Variants in ABHD13 observed in about 807,000 individuals in gnomAD.
ABHD13 encodes the protein protein ABHD13.
Under a neutral mutation model 25.2 loss-of-function variants are expected in ABHD13, and 7 were observed. That is an observed-to-expected ratio of 0.28 (90% CI 0.16 to 0.52). The LOEUF (loss-of-function observed/expected upper bound fraction) is 0.52. ABHD13 is among the 20% of genes least tolerant of loss of function. The probability of loss-of-function intolerance (pLI) is 0.96; values close to 1 mark genes in which losing one functional copy is unlikely to be tolerated. For missense variants in ABHD13, 302 were observed against 402.7 expected (o/e 0.75, Z 2.14); for synonymous variants, 133 against 136.1 (o/e 0.98, Z 0.16).
chr13:108,223,925 G>A (rs182403288), intron 1 of ABHD13, among the ~76,000 whole-genome samples: 44 of 152,204 alleles, frequency 2.9e-4, no homozygotes, highest in Non-Finnish European at 5.7e-4. Flanking sequence ...GTGAATAATC[G>A]TGCTAAATGA....
rs969689444 is a variant in ABHD13 at position 108,230,642 on chromosome 13, T to C, written c.*410T>C. ...ATCATGGTAAGCAAACTTAGTTCTG[T>C]AACTGCATTTTTCACCTTAAAAGTT... On this transcript the variant is annotated 3_prime_UTR_variant, in exon 2 of 2. Coordinates refer to ENST00000375898, the MANE Select transcript of ABHD13 (RefSeq NM_032859.3). 1 of 171,518 alleles carries C rather than the reference T, an allele frequency of 5.8e-6. No homozygotes were observed. The highest frequency in any genetic ancestry group is 6.3e-5 in the Admixed American group (1 of 15,932). 10.6% of individuals were successfully genotyped at this position (171,518 alleles called of 1,614,324 possible).
At chr13:108,225,785 G>T (rs555277882) in intron 1 of ABHD13, among the ~76,000 whole-genome samples, 2 of 152,250 alleles carry the variant, frequency 1.3e-5, no homozygotes, top group Non-Finnish European at 2.9e-5. Context: ...CAATAATGAT[G>T]TAAAAGAAGA....
rs896878755 is a variant in ABHD13, at chr13:108,232,030, A to G, written c.*1798A>G. On this transcript the variant is annotated 3_prime_UTR_variant, in exon 2 of 2. Transcript: ENST00000375898. ...ACTATTCTAAATATTAATGTATTAA[A>G]AAGAAAATACAACAAAATGTATATT... is the stretch of plus-strand genomic sequence containing the variant. The G allele has an allele frequency of 6.0e-6, 1 of 166,774 alleles. No individual in the cohort carries two copies. Among genetic ancestry groups the G allele is most frequent in the Admixed American group, 6.6e-5 (1 of 15,236 alleles). 10.3% of individuals were successfully genotyped at this position (166,774 alleles called of 1,614,324 possible).
chr13:108,219,323 A>G (rs1879489820), intron 1 of ABHD13, among the ~76,000 whole-genome samples: 1 of 152,184 alleles, frequency 6.6e-6, no homozygotes, highest in Admixed American at 6.5e-5. Flanking sequence ...TACCCAAGGT[A>G]TCGAAACCAA....
chr13:108,219,082 C>T (rs1386768953), intron 1 of ABHD13, among the ~76,000 whole-genome samples: 1 of 152,074 alleles, frequency 6.6e-6, no homozygotes, highest in Non-Finnish European at 1.5e-5. Flanking sequence ...CCTCCGCTCC[C>T]CCACCCTCCC....
intron 1 of ABHD13, among the ~76,000 whole-genome samples, chr13:108,228,756 T>G (rs1204142400): frequency 6.6e-6 from 1 of 151,868 alleles, no homozygotes; most frequent in Admixed American, 6.6e-5. Flanking sequence ...ATACGTAACC[T>G]AACAGCAGAT....
At chr13:108,224,446 T>C (rs1879632889) in intron 1 of ABHD13, among the ~76,000 whole-genome samples, 1 of 152,244 alleles carries the variant, frequency 6.6e-6, no homozygotes, top group Non-Finnish European at 1.5e-5. Flanking sequence ...TGAGGACTCA[T>C]ACCATTCGTA....
chr13:108,218,722 G>C (rs1879452569), intron 1 of ABHD13, 63 bp downstream of exon 1: 2 of 151,702 alleles, frequency 1.3e-5, no homozygotes, highest in South Asian at 4.1e-4. Context: ...CCTTCTAGGA[G>C]GGTCGCGGGG....
In ABHD13 at chr13:108,229,726, G is replaced by A; in HGVS notation, c.508G>A (p.Glu170Lys). Residue 170 changes from glutamate to lysine, a missense_variant, in exon 2 of 2, where the codon GAA (glutamate) becomes AAA (lysine). Transcript: ENST00000375898. The surrounding 1 kb of genome is among the most constrained non-coding windows in gnomAD (Gnocchi z 4.7). ...TGAAGAAGGACTCTACTTAGATTCT[G>A]AAGCTGTGTTAGACTACGTGATGAC... ...ASEEGLYLDS[E>K]AVLDYVMTRP... 2 of 1,613,376 alleles carry A rather than the reference G, an allele frequency of 1.2e-6. No individual in the cohort carries two copies. The highest frequency in any genetic ancestry group is 2.2e-5 in the South Asian group (2 of 91,060).
chr13:108,219,852 T>G (rs376420223), intron 1 of ABHD13, among the ~76,000 whole-genome samples: 58 of 152,254 alleles, frequency 3.8e-4, no homozygotes, highest in African/African-American at 1.1e-3. Flanking sequence ...ACTACCTGAG[T>G]TTGGTTTTAA....
In ABHD13 at chr13:108,232,006, CTA is replaced by C. The variant is rs1289284995; in HGVS notation, c.*1776_*1777del. The C allele has an allele frequency of 6.0e-6, 1 of 166,652 alleles. No individual in the cohort carries two copies. The highest frequency in any genetic ancestry group is 2.4e-5 in the African/African-American group (1 of 41,368). 10.3% of individuals were successfully genotyped at this position (166,652 alleles called of 1,614,324 possible). ...TGTCAGTCCTTGCTATGTAGAATGA[CTA>C]TTCTAAATATTAATGTATTAAAAAG... On this transcript the variant is annotated 3_prime_UTR_variant, in exon 2 of 2. Transcript: ENST00000375898.
chr13:108,225,066 A>G (rs1249356109), intron 1 of ABHD13, among the ~76,000 whole-genome samples: 2 of 152,110 alleles, frequency 1.3e-5, no homozygotes, highest in Non-Finnish European at 2.9e-5. Context: ...TTTTTCATTC[A>G]AATACAAGAC....
chr13:108,218,635 C>T lies in ABHD13; in HGVS notation c.-45C>T, dbSNP rs1879447672. The T allele has an allele frequency of 6.6e-6, 1 of 151,924 alleles. No homozygotes were observed. Among genetic ancestry groups the T allele is most frequent in the Non-Finnish European group, 1.5e-5 (1 of 67,936 alleles). The allele number at this position is 151,924 out of a possible 1,614,324, so 9.4% of individuals were successfully genotyped here. ...CGCCCGGTTTCGTGCCCGCGGCCGA[C>T]TGCGCAGCCTGTCCGCGAGTCTGAG... On this transcript the variant is annotated 5_prime_UTR_variant, in exon 1 of 2. Transcript: ENST00000375898.
In ABHD13 at chr13:108,230,270, G is replaced by C; in HGVS notation, c.*38G>C. The C allele has an allele frequency of 6.8e-7, 1 of 1,460,356 alleles. No individual in the cohort carries two copies. Among genetic ancestry groups the C allele is most frequent in the Non-Finnish European group, 9.2e-7 (1 of 1,087,430 alleles). 90.5% of individuals were successfully genotyped at this position (1,460,356 alleles called of 1,614,324 possible). ...TGATTATTGCATTGTATTTTAATTT[G>C]TGCAGAATGATAAAGAATGTTCCTT... On this transcript the variant is annotated 3_prime_UTR_variant, in exon 2 of 2. Coordinates refer to ENST00000375898, the MANE Select transcript of ABHD13 (RefSeq NM_032859.3).
intron 1 of ABHD13, among the ~76,000 whole-genome samples, chr13:108,223,868 T>G (rs1009904759): frequency 6.6e-6 from 1 of 152,224 alleles, no homozygotes; most frequent in African/African-American, 2.4e-5. Context: ...CTCTATGCTA[T>G]CCTTGCCAAG....
rs570498223 is a variant in ABHD13 at position 108,225,542 on chromosome 13, T to G, written c.-20-3657T>G. 2.8e-4 allele frequency among the ~76,000 whole-genome samples: 43 copies of G among 152,252 alleles called. No individual in the cohort carries two copies. In the East Asian group the frequency reaches 7.9e-3, roughly 28 times the overall value. ...GTGGATTGAGAAAAATCCACTAGAT[T>G]TATTTTAAAGTGAAGTTTACATTGT... On this transcript the variant is annotated intron_variant, in intron 1 of 1. Transcript: ENST00000375898.
intron 1 of ABHD13, among the ~76,000 whole-genome samples, chr13:108,227,497 A>G (rs1207641391): frequency 1.3e-5 from 2 of 152,106 alleles, no homozygotes; most frequent in Non-Finnish European, 2.9e-5. Flanking sequence ...AAATTTAACT[A>G]TGTAAATTGA....
intron 1 of ABHD13, among the ~76,000 whole-genome samples, chr13:108,227,422 A>ATTG (rs71270830): frequency 0.058 from 8,812 of 152,200 alleles, 249 homozygotes; most frequent in East Asian, 0.11. Flanking sequence ...TTAATTCAGT[A>ATTG]TTTGCTAAAA....
chr13:108,234,177 C>T lies in ABHD13; in HGVS notation c.*3945C>T, dbSNP rs991753201. 1 of 166,800 alleles carries T rather than the reference C, an allele frequency of 6.0e-6. No individual in the cohort carries two copies. Among genetic ancestry groups the T allele is most frequent in the Non-Finnish European group, 1.5e-5 (1 of 67,962 alleles). 10.3% of individuals were successfully genotyped at this position (166,800 alleles called of 1,614,324 possible). On this transcript the variant is annotated 3_prime_UTR_variant, in exon 2 of 2. Coordinates refer to ENST00000375898, the MANE Select transcript of ABHD13 (RefSeq NM_032859.3). ...TACATTTGTTTTTTACAATAAATTT[C>T]TTTTAAAATATACTTTCTATTTTTC...
Sources: gnomAD v4.1 joint callset for allele counts (sites outside exome capture counted in the v4.1 genomes callset) on GRCh38, gnomAD v4.1.1 for gene constraint, Gnocchi (gnomAD v3.1) non-coding constraint, MANE v1.5 for transcripts, NCBI Gene and HGNC (gene_info 2026-07-23, HGNC 2026-07-21) for gene names.